GRID2: variants seen among roughly 807,000 people sequenced by gnomAD.
GRID2 encodes glutamate receptor ionotropic, delta-2.
Under a neutral mutation model 114.8 loss-of-function variants are expected in GRID2, and 33 were observed. The ratio of observed to expected loss-of-function variants is 0.29; its 90% CI spans 0.22 to 0.38. GRID2 has a LOEUF of 0.38. Among genes scored for constraint, GRID2 ranks in the 10% least tolerant of loss-of-function variants. GRID2 has a pLI of 1.00. For missense variants in GRID2, 1,184 were observed against 1,257.7 expected (o/e 0.94, Z 0.89); for synonymous variants, 505 against 449.9 (o/e 1.12, Z -1.55).
At chr4:92,659,906 C>T (rs1448469399) in intron 2 of GRID2, among the ~76,000 whole-genome samples, 1 of 151,572 alleles carries the variant, frequency 6.6e-6, no homozygotes, top group Non-Finnish European at 1.5e-5. Flanking sequence ...CCTCGGATAA[C>T]GTGCAATAAA....
At chr4:92,620,798 G>C (rs1004089881) in intron 2 of GRID2, among the ~76,000 whole-genome samples, 4 of 151,042 alleles carry the variant, frequency 2.6e-5, no homozygotes, top group Non-Finnish European at 1.5e-5. Flanking sequence ...GTTGTGGGGT[G>C]GGGGGAGTGG....
At chr4:93,803,266 A>C (rs1734966826) in intron 1 of GRID2, among the ~76,000 whole-genome samples, 1 of 152,250 alleles carries the variant, frequency 6.6e-6, no homozygotes, top group South Asian at 2.1e-4. Flanking sequence ...AGTAATTATC[A>C]GAATAAAATT....
chr4:92,890,416 A>G lies in GRID2; in HGVS notation c.245-194579A>G, dbSNP rs1427181240. Reference sequence around the variant, plus strand: ...ATCTACAAGGAACTTAAACAAATTTACAAGAAAAAACAACCCCATTGAAAA... The same window carrying G: ...ATCTACAAGGAACTTAAACAAATTTGCAAGAAAAAACAACCCCATTGAAAA... On this transcript the variant is annotated intron_variant, in intron 2 of 15. Coordinates refer to ENST00000282020, the MANE Select transcript of GRID2 (RefSeq NM_001510.4). 6.6e-5 allele frequency among the ~76,000 whole-genome samples: 10 copies of G among 152,328 alleles called. No individual in the cohort carries two copies. The East Asian group carries it at 1.9e-3, about 29-fold the overall frequency.
chr4:92,987,644 C>T (rs905439697), intron 2 of GRID2, among the ~76,000 whole-genome samples: 1 of 150,996 alleles, frequency 6.6e-6, no homozygotes, highest in South Asian at 2.1e-4. Flanking sequence ...AAAATAAATC[C>T]TATTGATGCT....
At chr4:93,205,885 G>T (rs571724214) in intron 4 of GRID2, among the ~76,000 whole-genome samples, 1 of 152,138 alleles carries the variant, frequency 6.6e-6, no homozygotes, top group African/African-American at 2.4e-5. Flanking sequence ...TTGTGGTTTT[G>T]ATTTGCATTT....
At position 92,778,151 on chromosome 4, in the gene GRID2, A is replaced by G. The variant is rs368233670; in HGVS notation, c.244+187865A>G. 1.1e-4 allele frequency among the ~76,000 whole-genome samples: 16 copies of G among 152,052 alleles called. 1 individual carries two copies. In the South Asian group the frequency reaches 1.5e-3, roughly 14 times the overall value. On this transcript the variant is annotated intron_variant, in intron 2 of 15. Transcript: ENST00000282020. Reference sequence around the variant, plus strand: ...CCCCTCTTCTCAACATGCTCATCCCACTGACCTTATGTTCCCATCTCAATG... The same window carrying G: ...CCCCTCTTCTCAACATGCTCATCCCGCTGACCTTATGTTCCCATCTCAATG...
Position 92,440,987 on chromosome 4 carries a change from G to T in GRID2, c.88+136243G>T, listed in dbSNP as rs1231018070. Among the ~76,000 whole-genome samples the T allele has an allele frequency of 3.3e-5, 5 of 151,998 alleles. No individual in the cohort carries two copies. The South Asian group carries it at 6.2e-4, about 19-fold the overall frequency. On this transcript the variant is annotated intron_variant, in intron 1 of 15. Transcript: ENST00000282020. ...TTGGAAGTTATGAGAACTGTAGAGAGTGAGTTGAGCATAGTTTGTGATTTT... is the reference window on the plus strand; with the variant it reads ...TTGGAAGTTATGAGAACTGTAGAGATTGAGTTGAGCATAGTTTGTGATTTT...
intron 1 of GRID2, among the ~76,000 whole-genome samples, chr4:92,363,343 G>A (rs1728703432): frequency 6.6e-6 from 1 of 152,116 alleles, no homozygotes; most frequent in East Asian, 1.9e-4. Flanking sequence ...AAATTTTTCA[G>A]CTATGAGGTG....
chr4:93,285,857 G>C (rs906416745), intron 8 of GRID2, among the ~76,000 whole-genome samples: 11 of 151,918 alleles, frequency 7.2e-5, no homozygotes, highest in African/African-American at 2.7e-4. Context: ...TACAATTTAT[G>C]TTGCTTGAAA....
chr4:92,827,402 T>TAA (rs869244288), intron 2 of GRID2, among the ~76,000 whole-genome samples: 28 of 134,844 alleles, frequency 2.1e-4, no homozygotes, highest in Non-Finnish European at 3.7e-4. Flanking sequence ...TCCTGAGATT[T>TAA]AAAAAAAAAA....
At chr4:92,813,683 C>G (rs1435574336) in intron 2 of GRID2, among the ~76,000 whole-genome samples, 1 of 151,952 alleles carries the variant, frequency 6.6e-6, no homozygotes, top group Non-Finnish European at 1.5e-5. Context: ...TATACTCACA[C>G]ACACTTTTTA....
intron 4 of GRID2, among the ~76,000 whole-genome samples, chr4:93,186,707 G>C (rs1019649736): frequency 6.6e-6 from 1 of 151,848 alleles, no homozygotes; most frequent in African/African-American, 2.4e-5. Flanking sequence ...GATATACTAA[G>C]TTGCAAGATG....
intron 13 of GRID2, among the ~76,000 whole-genome samples, chr4:93,625,272 G>T (rs972010658): frequency 5.3e-5 from 8 of 152,188 alleles, no homozygotes; most frequent in African/African-American, 1.9e-4. Context: ...GTCCCCAGAA[G>T]GGGCAGTCCC....
intron 2 of GRID2, among the ~76,000 whole-genome samples, chr4:92,959,870 G>A (rs1003031442): frequency 3.9e-5 from 6 of 152,010 alleles, no homozygotes; most frequent in Non-Finnish European, 7.4e-5. Context: ...AGGGTAGCTA[G>A]GGTAGAGATA....
At chr4:93,729,499 T>G (rs1182248948) in intron 14 of GRID2, among the ~76,000 whole-genome samples, 2 of 152,120 alleles carry the variant, frequency 1.3e-5, no homozygotes, top group East Asian at 3.9e-4. Context: ...CCCCTCCCCT[T>G]TCTTGCTAAC....
At position 92,778,999 on chromosome 4, in the gene GRID2, A is replaced by T. The variant is rs570290626; in HGVS notation, c.244+188713A>T. ...ACTTGGCTCCTATTTATTCCTAAAA[A>T]ATCATTTCAGTTCATTCACTGGAAA... On this transcript the variant is annotated intron_variant, in intron 2 of 15. Transcript: ENST00000282020. 2.0e-5 allele frequency among the ~76,000 whole-genome samples: 3 copies of T among 152,228 alleles called. No individual in the cohort carries two copies. The South Asian group carries it at 6.2e-4, about 32-fold the overall frequency.
chr4:93,568,530 C>T (rs1229694641), intron 13 of GRID2, among the ~76,000 whole-genome samples: 1 of 151,974 alleles, frequency 6.6e-6, no homozygotes, highest in Non-Finnish European at 1.5e-5. Flanking sequence ...TGAGAAACAC[C>T]GTAGTAGAGG....
intron 4 of GRID2, among the ~76,000 whole-genome samples, chr4:93,169,862 AGATATC>A (rs1347739215): frequency 6.6e-6 from 1 of 152,194 alleles, no homozygotes; most frequent in African/African-American, 2.4e-5. Context: ...ACTTCTACTG[AGATATC>A]TGTAAAAATT....
chr4:93,733,950 A>C (rs376393152), intron 14 of GRID2, among the ~76,000 whole-genome samples: 5 of 152,030 alleles, frequency 3.3e-5, no homozygotes, highest in African/African-American at 1.2e-4. Flanking sequence ...CTTGCCCAAA[A>C]CCTGCTTTTT....
Sources: allele counts gnomAD v4.1 joint callset (sites outside exome capture counted in the v4.1 genomes callset), GRCh38; gene constraint gnomAD v4.1.1; transcripts MANE v1.5; gene names NCBI Gene and HGNC (gene_info 2026-07-23, HGNC 2026-07-21).